IFT122: variants seen among roughly 807,000 people sequenced by gnomAD.
IFT122 encodes the protein intraflagellar transport protein 122 homolog.
Under a neutral mutation model 161.6 loss-of-function variants are expected in IFT122, and 118 were observed. That is an observed-to-expected ratio of 0.73 (90% CI 0.63 to 0.85). IFT122 has a LOEUF of 0.85. Ranked by LOEUF, IFT122 falls within the 40% of genes least tolerant of loss-of-function variation. IFT122 has a pLI of 0.00. For synonymous variants in IFT122, 550 were observed against 602.4 expected (o/e 0.91, Z 1.27); for missense variants, 1,381 against 1,579.6 (o/e 0.87, Z 2.13).
At chr3:129,498,362 A>G (rs1478278104) in intron 18 of IFT122, among the ~76,000 whole-genome samples, 6 of 152,220 alleles carry the variant, frequency 3.9e-5, no homozygotes, top group Non-Finnish European at 7.3e-5. Flanking sequence ...TTCACCAGCC[A>G]GGTAGGCAGG....
intron 13 of IFT122, among the ~76,000 whole-genome samples, chr3:129,481,051 A>G (rs2078575083): frequency 6.6e-6 from 1 of 152,154 alleles, no homozygotes; most frequent in South Asian, 2.1e-4. Context: ...GCAACATAGC[A>G]AGACCTTATC....
chr3:129,492,323 C>T (rs1000230110), intron 17 of IFT122, 129 bp downstream of exon 17: 35 of 807,456 alleles, frequency 4.3e-5, no homozygotes, highest in Non-Finnish European at 7.5e-5. Context: ...GGCATCTGGG[C>T]CACAGCCTTG....
In IFT122 at chr3:129,469,482, G is replaced by A. The variant is rs7612530; in HGVS notation, c.816+65G>A. 273,854 of 1,244,816 alleles carry A rather than the reference G, an allele frequency of 0.22. 46,169 individuals carry two copies. Among genetic ancestry groups the A allele is most frequent in the African/African-American group, 0.7 (47,248 of 67,594 alleles). The allele number at this position is 1,244,816 out of a possible 1,614,324, so 77.1% of individuals were successfully genotyped here. On this transcript the variant is annotated intron_variant, in intron 9 of 29. Transcript: ENST00000348417. ...TTATATTTTCATTTTCTGAGATTCT[G>A]TTACTATTAATTATACATTATCATT...
chr3:129,447,664 C>T (rs2074190679), intron 1 of IFT122, among the ~76,000 whole-genome samples: 2 of 152,148 alleles, frequency 1.3e-5, no homozygotes, highest in African/African-American at 4.8e-5. Context: ...AGGCGCCCGC[C>T]ACCACACCTG....
At chr3:129,445,992 TA>T in intron 1 of IFT122, among the ~76,000 whole-genome samples, 1 of 152,304 alleles carries the variant, frequency 6.6e-6, no homozygotes, top group East Asian at 1.9e-4. Flanking sequence ...AGGGCTCTTT[TA>T]AAATTTAACC....
At position 129,517,611 on chromosome 3, in the gene IFT122, C is replaced by T; in HGVS notation, c.3391+17C>T. 1 of 1,611,120 alleles carries T rather than the reference C, an allele frequency of 6.2e-7. No individual in the cohort carries two copies. Among genetic ancestry groups the T allele is most frequent in the Non-Finnish European group, 8.5e-7 (1 of 1,178,088 alleles). ...CAAACAACAGTATCCATGCCCTTGG[C>T]CAGAGCCTGTGTGTGCGGCTGTGTG... On this transcript the variant is annotated intron_variant, in intron 27 of 29. Transcript: ENST00000348417.
intron 25 of IFT122, chr3:129,515,068 C>G (rs1401361916): frequency 5.3e-6 from 2 of 376,768 alleles, no homozygotes; most frequent in East Asian, 1.3e-4. Flanking sequence ...CGGCTCCACC[C>G]TCTCCTAGCT....
intron 3 of IFT122, among the ~76,000 whole-genome samples, chr3:129,456,638 A>G (rs774970471): frequency 3.9e-5 from 6 of 151,926 alleles, no homozygotes; most frequent in Non-Finnish European, 8.8e-5. Context: ...CTCCGTCTCA[A>G]AAAGGGCCAG....
chr3:129,462,589 G>A (rs527901175), intron 5 of IFT122, among the ~76,000 whole-genome samples: 1 of 152,358 alleles, frequency 6.6e-6, no homozygotes, highest in African/African-American at 2.4e-5. Flanking sequence ...GGGGCTCCAG[G>A]CAGGCTTAGT....
rs1439121900 is a variant in IFT122 at position 129,481,086 on chromosome 3, A to G, written c.1489-444A>G. Among the ~76,000 whole-genome samples the G allele has an allele frequency of 5.3e-5, 8 of 152,322 alleles. No individual in the cohort carries two copies. In the East Asian group the frequency reaches 1.5e-3, roughly 29 times the overall value. Reference sequence around the variant, plus strand: ...CTCTAAAAAAAATTTTTTTTAAACCAGGGATATCAGTAAATGATAGCTATC... The same window carrying G: ...CTCTAAAAAAAATTTTTTTTAAACCGGGGATATCAGTAAATGATAGCTATC... On this transcript the variant is annotated intron_variant, in intron 13 of 29. Transcript: ENST00000348417.
intron 4 of IFT122, chr3:129,460,768 G>A: frequency 8.8e-6 from 9 of 1,025,090 alleles, no homozygotes; most frequent in Non-Finnish European, 1.4e-5. Flanking sequence ...ACCCACAAGT[G>A]AAGGACTAAA....
At chr3:129,517,640 G>T (rs1200652660) in intron 27 of IFT122, 46 bp downstream of exon 27, 2 of 1,604,708 alleles carry the variant, frequency 1.2e-6, no homozygotes, top group East Asian at 4.5e-5. Context: ...CTGTGTGAGG[G>T]GTCTGGGGAC....
intron 24 of IFT122, 80 bp from the exon 25 acceptor site, chr3:129,514,309 T>G (rs745897332): frequency 8.7e-6 from 13 of 1,500,922 alleles, no homozygotes; most frequent in Non-Finnish European, 1.1e-5. Flanking sequence ...TGTTCCAGCC[T>G]GGGGCTCACT....
intron 22 of IFT122, 131 bp from the exon 23 acceptor site, chr3:129,507,536 TG>T: frequency 1.3e-6 from 1 of 783,296 alleles, no homozygotes; most frequent in Non-Finnish European, 2.3e-6. Context: ...TCCCTCACCC[TG>T]GCACAGACAC....
At chr3:129,482,412 T>C (rs2078771734) in intron 14 of IFT122, among the ~76,000 whole-genome samples, 1 of 152,150 alleles carries the variant, frequency 6.6e-6, no homozygotes, top group Admixed American at 6.5e-5. Flanking sequence ...CAGAGTGAAG[T>C]TCCCCCCAAA....
At position 129,458,656 on chromosome 3, in the gene IFT122, T is replaced by C. The variant is rs775693589; in HGVS notation, c.251T>C (p.Leu84Pro). The change falls in exon 4 of 30, where the codon CTG (leucine) becomes CCG (proline). Residue 84 changes from leucine (L) to proline (P), a missense_variant. Around this residue, in one of 7 missense-constraint regions of IFT122, gnomAD observed 134 missense variants for 137.4 expected, o/e 0.98. Transcript: ENST00000348417. ...AGCGTTATTATCTGGACATCAAAAC[T>C]GGAAGGCATTCTGAAGTACACGTAA... Reference protein sequence around the residue: ...DKSVIIWTSKLEGILKYTHND... With the variant: ...DKSVIIWTSKPEGILKYTHND... The C allele has an allele frequency of 3.7e-6, 6 of 1,613,584 alleles. 1 individual carries two copies. In the South Asian group the frequency reaches 6.6e-5, roughly 18 times the overall value.
chr3:129,464,544 T>G, intron 6 of IFT122, 91 bp from the exon 7 acceptor site: 1 of 1,516,304 alleles, frequency 6.6e-7, no homozygotes, highest in Non-Finnish European at 9.2e-7. Context: ...TCATCAGACT[T>G]TTATTTCAAA....
At chr3:129,498,188 A>C (rs2081114142) in intron 18 of IFT122, among the ~76,000 whole-genome samples, 1 of 152,228 alleles carries the variant, frequency 6.6e-6, no homozygotes, top group Non-Finnish European at 1.5e-5. Flanking sequence ...GCTTCAATGA[A>C]GTCACAGCTC....
At chr3:129,474,880 C>T (rs775523921) in intron 9 of IFT122, among the ~76,000 whole-genome samples, 13 of 152,162 alleles carry the variant, frequency 8.5e-5, no homozygotes, top group Non-Finnish European at 1.5e-4. Context: ...CAGGGCTGGG[C>T]ATGGTGGTTC....
Sources: gnomAD v4.1 joint callset for allele counts (sites outside exome capture counted in the v4.1 genomes callset) on GRCh38, gnomAD v4.1.1 for gene constraint, gnomAD v4.1.1 regional missense constraint, MANE v1.5 for transcripts, NCBI Gene and HGNC (gene_info 2026-07-23, HGNC 2026-07-21) for gene names.